The following CFAP20DC variants were observed in gnomAD, a reference collection of about 807,000 sequenced individuals.
The protein encoded by CFAP20DC is CFAP20 domain containing.
CFAP20DC carries 84 observed loss-of-function variants against 101.7 expected under a neutral mutation model. The ratio of observed to expected loss-of-function variants is 0.83; its 90% CI spans 0.69 to 0.99. CFAP20DC has a LOEUF of 0.99. CFAP20DC is among the 50% of genes least tolerant of loss of function. The pLI, the probability that CFAP20DC is intolerant of heterozygous loss-of-function variation, is 0.00. For missense variants in CFAP20DC, 1,007 were observed against 970.3 expected (o/e 1.04, Z -0.50); for synonymous variants, 359 against 351.2 (o/e 1.02, Z -0.25).
intron 15 of CFAP20DC, among the ~76,000 whole-genome samples, chr3:58,774,657 G>A (rs1266732641): frequency 6.6e-6 from 1 of 152,212 alleles, no homozygotes; most frequent in South Asian, 2.1e-4. Context: ...GAGATGAAAT[G>A]TCCTTATTAG....
chr3:58,981,953 G>A (rs1028900106), intron 4 of CFAP20DC, among the ~76,000 whole-genome samples: 51 of 152,052 alleles, frequency 3.4e-4, no homozygotes, highest in Non-Finnish European at 4.9e-4. Context: ...TTCGCAACCT[G>A]CTCATCTGAC....
chr3:58,991,542 G>C (rs924315152), intron 4 of CFAP20DC, among the ~76,000 whole-genome samples: 2 of 152,104 alleles, frequency 1.3e-5, no homozygotes, highest in African/African-American at 4.8e-5. Flanking sequence ...TGGCACCAGA[G>C]ACTAGTTTTG....
intron 15 of CFAP20DC, among the ~76,000 whole-genome samples, chr3:58,774,248 G>C (rs980201423): frequency 3.3e-5 from 5 of 152,032 alleles, no homozygotes; most frequent in African/African-American, 1.2e-4. Context: ...ACCAATCTAT[G>C]GTTTTCTTGA....
chr3:59,015,307 G>C lies in CFAP20DC; in HGVS notation c.278+24250C>G, dbSNP rs1415274829. On this transcript the variant is annotated intron_variant, in intron 4 of 16. Transcript: ENST00000482387. The surrounding 1 kb of genome is among the most constrained non-coding windows in gnomAD (Gnocchi z 5.4). The stretch of plus-strand genomic sequence containing the variant: ...CCCACAGGAGTAGAAGTGAGAGAAG[G>C]AAGAGAAGCAGCTGGAGAGTGATAA... Among the ~76,000 whole-genome samples, 1 of 151,994 alleles carries C rather than the reference G, an allele frequency of 6.6e-6. No homozygotes were observed. The highest frequency in any genetic ancestry group is 1.5e-5 in the Non-Finnish European group (1 of 67,986).
chr3:58,737,627 T>G (rs2067788237), downstream of CFAP20DC, among the ~76,000 whole-genome samples: 1 of 152,158 alleles, frequency 6.6e-6, no homozygotes, highest in African/African-American at 2.4e-5. This position sits in a 1 kb window ranked among gnomAD's most constrained non-coding sequence, Gnocchi z 4.1. Flanking sequence ...TTACCACTAG[T>G]CCAGTATTTT....
At chr3:58,814,807 G>A (rs923332420) in intron 14 of CFAP20DC, among the ~76,000 whole-genome samples, 1 of 151,068 alleles carries the variant, frequency 6.6e-6, no homozygotes, top group African/African-American at 2.5e-5. Context: ...CAAGGGATGT[G>A]AAGGACCTCT....
intron 15 of CFAP20DC, among the ~76,000 whole-genome samples, chr3:58,765,485 A>AG (rs1451957017): frequency 6.8e-6 from 1 of 147,924 alleles, no homozygotes; most frequent in East Asian, 1.9e-4. Context: ...AAAAAAAAAA[A>AG]AAACCAAAAA....
intron 15 of CFAP20DC, among the ~76,000 whole-genome samples, chr3:58,758,645 G>C (rs1462172658): frequency 6.6e-6 from 1 of 151,908 alleles, no homozygotes; most frequent in Non-Finnish European, 1.5e-5. Flanking sequence ...CCATTAACTC[G>C]TCATTTAGCA....
At chr3:58,911,267 C>T (rs2084119300) in intron 6 of CFAP20DC, among the ~76,000 whole-genome samples, 1 of 152,066 alleles carries the variant, frequency 6.6e-6, no homozygotes, top group African/African-American at 2.4e-5. Context: ...GCATACTATA[C>T]AGTACTGGAA....
intron 13 of CFAP20DC, among the ~76,000 whole-genome samples, chr3:58,845,536 A>G (rs2077553605): frequency 6.6e-6 from 1 of 151,612 alleles, no homozygotes; most frequent in Non-Finnish European, 1.5e-5. Flanking sequence ...TTACCAACCA[A>G]AAAGAGTCCA....
chr3:58,757,132 T>C (rs1034552687), intron 15 of CFAP20DC, among the ~76,000 whole-genome samples: 2 of 152,122 alleles, frequency 1.3e-5, no homozygotes, highest in African/African-American at 4.8e-5. Context: ...TTGTTAGATA[T>C]TGGCAAATTC....
chr3:58,933,481 A>C (rs2087030774), intron 5 of CFAP20DC, among the ~76,000 whole-genome samples: 1 of 152,218 alleles, frequency 6.6e-6, no homozygotes, highest in African/African-American at 2.4e-5. Context: ...TCTTTTCAGC[A>C]CCACACCACA....
intron 4 of CFAP20DC, among the ~76,000 whole-genome samples, chr3:58,967,649 A>T (rs546345589): frequency 4.6e-5 from 7 of 152,342 alleles, no homozygotes; most frequent in African/African-American, 1.7e-4. Context: ...TTAAAAACTC[A>T]TATGAATCAA....
rs541704375 is a variant in CFAP20DC, at chr3:58,960,683, A to T, written c.279-22921T>A. On this transcript the variant is annotated intron_variant, in intron 4 of 16. Coordinates refer to ENST00000482387, the MANE Select transcript of CFAP20DC (RefSeq NM_001394063.1). ...TTCATTTTAGTAGTTTAAAAAATGC[A>T]TTACATTGGATTTCCTATGGACACA... Among the ~76,000 whole-genome samples, 78 of 152,280 alleles carry T rather than the reference A, an allele frequency of 5.1e-4. 1 individual carries two copies. The highest frequency in any genetic ancestry group is 1.8e-3 in the African/African-American group (76 of 41,552).
intron 4 of CFAP20DC, among the ~76,000 whole-genome samples, chr3:58,963,190 T>TTGTGTGTGTGTG (rs56234919): frequency 0.021 from 2,516 of 118,218 alleles, 43 homozygotes; most frequent in East Asian, 0.033. Flanking sequence ...GTTCAGTAGT[T>TTGTGTGTGTGTG]TGTGTGTGTG....
intron 4 of CFAP20DC, chr3:58,970,523 C>A (rs2091889785): frequency 6.6e-6 from 1 of 152,118 alleles, no homozygotes; most frequent in East Asian, 1.9e-4. Context: ...CAGAAGGAAC[C>A]AATCCTGCCG....
intron 13 of CFAP20DC, among the ~76,000 whole-genome samples, chr3:58,839,563 T>G (rs181222541): frequency 6.6e-6 from 1 of 152,328 alleles, no homozygotes; most frequent in East Asian, 1.9e-4. Flanking sequence ...TGAGTAAGAC[T>G]TGCTTCTATT....
intron 4 of CFAP20DC, among the ~76,000 whole-genome samples, chr3:58,982,628 G>C (rs2092603105): frequency 6.8e-6 from 1 of 146,644 alleles, no homozygotes; most frequent in African/African-American, 2.5e-5. Context: ...AACACCGCAT[G>C]TTCTCACTCA....
At chr3:58,889,978 C>T (rs1286705585) in intron 6 of CFAP20DC, among the ~76,000 whole-genome samples, 4 of 141,778 alleles carry the variant, frequency 2.8e-5, no homozygotes, top group East Asian at 2.1e-4. Flanking sequence ...GGCAACCATC[C>T]GATTTCTCAA....
Sources: allele counts gnomAD v4.1 joint callset (sites outside exome capture counted in the v4.1 genomes callset), GRCh38; gene constraint gnomAD v4.1.1; non-coding constraint Gnocchi (gnomAD v3.1); transcripts MANE v1.5; gene names NCBI Gene and HGNC (gene_info 2026-07-23, HGNC 2026-07-21).